The following NUP214 variants were observed in gnomAD, a reference collection of about 807,000 sequenced individuals.
The protein encoded by NUP214 is nucleoporin 214.
A neutral mutation model predicts 196.2 loss-of-function variants in NUP214; 79 were observed. The ratio of observed to expected loss-of-function variants is 0.40; its 90% CI spans 0.34 to 0.49. NUP214 has a LOEUF of 0.49. NUP214 is among the 20% of genes least tolerant of loss of function. The pLI is 0.58. For missense variants in NUP214, 2,468 were observed against 2,539.0 expected (o/e 0.97, Z 0.60); for synonymous variants, 1,020 against 990.5 (o/e 1.03, Z -0.56).
intron 30 of NUP214, among the ~76,000 whole-genome samples, chr9:131,214,135 A>T (rs1252531623): frequency 6.6e-6 from 1 of 152,062 alleles, no homozygotes; most frequent in Non-Finnish European, 1.5e-5. Context: ...AAAGGAGGGG[A>T]TACCCTAGGG....
In NUP214 at chr9:131,199,026, G is replaced by T. The variant is rs748943254; in HGVS notation, c.5521+11G>T. ...TTTGCCAAGCTTCAGGTAAGAATTT[G>T]TGGAAGCTTTTTACTTGTTTCCCTC... On this transcript the variant is annotated intron_variant, in intron 29 of 35. Transcript: ENST00000359428. 1.3e-6 allele frequency: 2 copies of T among 1,569,452 alleles called. No homozygotes were observed. The highest frequency in any genetic ancestry group is 1.9e-5 in the Admixed American group (1 of 52,318).
intron 5 of NUP214, 89 bp downstream of exon 5, chr9:131,130,925 T>A: frequency 1.0e-6 from 1 of 975,926 alleles, no homozygotes; most frequent in Non-Finnish European, 1.6e-6. Flanking sequence ...TTTTTCCTAT[T>A]AAAAAGTAAT....
intron 21 of NUP214, among the ~76,000 whole-genome samples, chr9:131,172,866 A>G (rs1832998833): frequency 6.6e-6 from 1 of 152,192 alleles, no homozygotes; most frequent in South Asian, 2.1e-4. Flanking sequence ...GAGCCATTTT[A>G]AATAACTTGG....
intron 21 of NUP214, among the ~76,000 whole-genome samples, chr9:131,168,512 A>G (rs770807734): frequency 3.9e-5 from 6 of 152,208 alleles, no homozygotes; most frequent in Non-Finnish European, 8.8e-5. Flanking sequence ...TTTGCAGTCA[A>G]TTCTTGTTCT....
intron 1 of NUP214, chr9:131,126,030 CTG>C (rs1831336538): frequency 2.1e-6 from 1 of 483,732 alleles, no homozygotes; most frequent in African/African-American, 2.0e-5. Context: ...TGAGTGTTGA[CTG>C]TGTGCCAGGC....
chr9:131,151,674 C>A, intron 16 of NUP214, 62 bp from the exon 17 acceptor site: 1 of 1,352,910 alleles, frequency 7.4e-7, no homozygotes, highest in Non-Finnish European at 1.0e-6. Flanking sequence ...CTTCCTTGAT[C>A]CAAACAGAAA....
chr9:131,159,144 C>A, intron 17 of NUP214: 1 of 497,930 alleles, frequency 2.0e-6, no homozygotes, highest in Non-Finnish European at 3.5e-6. Context: ...TAACTCCTGG[C>A]TTCAAGCAGT....
intron 1 of NUP214, among the ~76,000 whole-genome samples, chr9:131,127,251 C>T (rs771534650): frequency 8.5e-5 from 13 of 152,100 alleles, no homozygotes; most frequent in Non-Finnish European, 1.8e-4. Flanking sequence ...GCCATGGTGG[C>T]GGGTGCCTGT....
chr9:131,192,079 A>T (rs1218301277), intron 26 of NUP214, 129 bp from the exon 27 acceptor site: 2 of 578,860 alleles, frequency 3.5e-6, no homozygotes, highest in Non-Finnish European at 5.7e-6. Context: ...GACGTGTCAC[A>T]GAAGGCACAT....
intron 6 of NUP214, 139 bp from the exon 7 acceptor site, chr9:131,132,967 T>G: frequency 1.4e-6 from 1 of 707,212 alleles, no homozygotes; most frequent in South Asian, 1.8e-5. Context: ...TCATTGTACC[T>G]GTGCATTATA....
chr9:131,198,179 C>T lies in NUP214; in HGVS notation c.4685C>T (p.Ala1562Val), dbSNP rs1000268667. 1.2e-6 allele frequency: 2 copies of T among 1,614,250 alleles called. No individual in the cohort carries two copies. The change falls in exon 29 of 36, where the codon GCA becomes GTA. Residue 1562 changes from alanine to valine, a missense_variant. Physicochemically the swap from Ala to Val is moderately conservative, Grantham distance 64 (BLOSUM62 0). This residue lies in a region of NUP214 where 1,801 missense variants were observed against 1,779.4 expected (regional missense o/e 1.01). Transcript: ENST00000359428. The part of the protein sequence containing the change: ...GTAASSTSLV[A>V]LSAEATPATT... ...GCAGCATCTAGTACTAGTCTTGTAG[C>T]ACTTTCTGCAGAGGCTACCCCAGCC... is the stretch of plus-strand genomic sequence containing the variant.
chr9:131,226,293 A>G (rs969184906), intron 32 of NUP214, among the ~76,000 whole-genome samples: 3 of 152,172 alleles, frequency 2.0e-5, no homozygotes, highest in African/African-American at 7.2e-5. Context: ...ATTTATGAAA[A>G]TACGGCAACT....
rs1353908052 is a variant in NUP214, at chr9:131,197,832, C to T, written c.4338C>T (p.Thr1446=). 2.5e-6 allele frequency: 4 copies of T among 1,613,428 alleles called. No homozygotes were observed. The highest frequency in any genetic ancestry group is 3.4e-6 in the Non-Finnish European group (4 of 1,180,046). The change falls in exon 29 of 36, where the codon ACC becomes ACT. Residue 1446 remains threonine (T), a synonymous_variant. Coordinates refer to ENST00000359428, the MANE Select transcript of NUP214 (RefSeq NM_005085.4). Reference sequence around the variant, plus strand: ...GTTTTTCATTTGGAAGCCAACAGACCAATAGCACAGTGCCCCCATCTGCCC... The same window carrying T: ...GTTTTTCATTTGGAAGCCAACAGACTAATAGCACAGTGCCCCCATCTGCCC... The part of the protein sequence containing the change: ...KTSFSFGSQQ[T]NSTVPPSAPP...
chr9:131,159,968 T>C (rs1390211042), intron 18 of NUP214, among the ~76,000 whole-genome samples: 1 of 152,136 alleles, frequency 6.6e-6, no homozygotes, highest in Non-Finnish European at 1.5e-5. Context: ...ACTCAGTAAT[T>C]TACATAAAAT....
intron 10 of NUP214, among the ~76,000 whole-genome samples, chr9:131,139,784 C>T (rs983345742): frequency 6.6e-6 from 1 of 152,178 alleles, no homozygotes; most frequent in African/African-American, 2.4e-5. Flanking sequence ...TGGTACTGCA[C>T]ACAAGTACTT....
intron 29 of NUP214, 51 bp downstream of exon 29, chr9:131,199,066 C>G (rs760791670): frequency 1.3e-6 from 2 of 1,524,862 alleles, no homozygotes; most frequent in Non-Finnish European, 1.8e-6. Context: ...CTATTTGAAA[C>G]ATTAGCAACA....
chr9:131,171,209 A>G (rs1832947052), intron 21 of NUP214, among the ~76,000 whole-genome samples: 1 of 152,188 alleles, frequency 6.6e-6, no homozygotes, highest in South Asian at 2.1e-4. Flanking sequence ...TGCCCATTGC[A>G]TCTTTCAGTT....
At chr9:131,214,536 A>G (rs1834339397) in intron 30 of NUP214, among the ~76,000 whole-genome samples, 1 of 152,158 alleles carries the variant, frequency 6.6e-6, no homozygotes, top group South Asian at 2.1e-4. Flanking sequence ...GGCCCCTCAA[A>G]TGTAGCCCAG....
intron 4 of NUP214, 101 bp from the exon 5 acceptor site, chr9:131,130,665 G>T: frequency 9.2e-7 from 1 of 1,091,726 alleles, no homozygotes; most frequent in Non-Finnish European, 1.4e-6. Flanking sequence ...ATCTTCCATG[G>T]ACTGACAGAG....
Sources: allele counts gnomAD v4.1 joint callset (sites outside exome capture counted in the v4.1 genomes callset), GRCh38; gene constraint gnomAD v4.1.1; regional missense constraint gnomAD v4.1.1; transcripts MANE v1.5; gene names NCBI Gene and HGNC (gene_info 2026-07-23, HGNC 2026-07-21).